PABPC1L: variants seen among roughly 807,000 people sequenced by gnomAD.
PABPC1L encodes poly(A) binding protein cytoplasmic 1 like.
PABPC1L carries 31 observed loss-of-function variants against 66.6 expected under a neutral mutation model. The observed-to-expected ratio is 0.47, with a 90% CI of 0.35 to 0.63. The LOEUF is 0.63. Among genes scored for constraint, PABPC1L ranks in the 20% least tolerant of loss-of-function variants. The pLI, the probability that PABPC1L is intolerant of heterozygous loss-of-function variation, is 0.00. For missense variants in PABPC1L, 722 were observed against 848.8 expected, an observed-to-expected ratio of 0.85 and a Z score of 1.86; for synonymous variants, 348 against 335.1, an observed-to-expected ratio of 1.04 and a Z score of -0.42.
intron 2 of PABPC1L, among the ~76,000 whole-genome samples, chr20:44,913,222 A>AT (rs2066716490): frequency 6.6e-6 from 1 of 152,160 alleles, no homozygotes; most frequent in African/African-American, 2.4e-5. Context: ...CGCTGGGTAT[A>AT]TGAGGGAGCG....
chr20:44,931,021 C>CCTT (rs2066850746), intron 8 of PABPC1L, among the ~76,000 whole-genome samples: 1 of 19,596 alleles, frequency 5.1e-5, no homozygotes, highest in African/African-American at 1.8e-4. Flanking sequence ...TCCTTCCCTT[C>CCTT]CCTCCCTTCC....
rs2066906588 is a variant in PABPC1L at position 44,937,028 on chromosome 20, G to A, written c.1660+298G>A. The stretch of plus-strand genomic sequence containing the variant: ...GATCAGGGGACAAAGGGAGGAGTAG[G>A]GGTATGGTCTTGGGTTTCTGCTGAG... On this transcript the variant is annotated intron_variant, in intron 12 of 14. Coordinates refer to ENST00000217073, the MANE Select transcript of PABPC1L (RefSeq NM_001372179.1). 14 of 536,810 alleles carry A rather than the reference G, an allele frequency of 2.6e-5. No homozygotes were observed. In the Admixed American group the frequency reaches 3.2e-4, roughly 12 times the overall value. 33.3% of individuals were successfully genotyped at this position (536,810 alleles called of 1,614,324 possible).
At chr20:44,924,003 G>A (rs1175438067) in intron 6 of PABPC1L, among the ~76,000 whole-genome samples, 158 bp from the exon 7 acceptor site, 1 of 152,184 alleles carries the variant, frequency 6.6e-6, no homozygotes, top group Non-Finnish European at 1.5e-5. Context: ...GGCACGCTGA[G>A]GGATGGGGGT....
intron 8 of PABPC1L, among the ~76,000 whole-genome samples, chr20:44,931,079 C>CCTT (rs1175613127): frequency 6.8e-4 from 39 of 57,724 alleles, no homozygotes; most frequent in Non-Finnish European, 1.4e-3. Flanking sequence ...CTCCCTCCCT[C>CCTT]CCTCCCTCCC....
At chr20:44,924,378 C>A (rs1937635190) in intron 7 of PABPC1L, 122 bp downstream of exon 7, 1 of 717,400 alleles carries the variant, frequency 1.4e-6, no homozygotes, top group Non-Finnish European at 2.4e-6. Flanking sequence ...TGCCGGCTAC[C>A]CCTTCTGGGG....
chr20:44,924,375 T>G, intron 7 of PABPC1L, 119 bp downstream of exon 7: 7 of 727,342 alleles, frequency 9.6e-6, no homozygotes, highest in Non-Finnish European at 1.6e-5. Context: ...TGGTGCCGGC[T>G]ACCCCTTCTG....
At chr20:44,930,171 T>C (rs1250014971) in intron 7 of PABPC1L, among the ~76,000 whole-genome samples, 1 of 152,204 alleles carries the variant, frequency 6.6e-6, no homozygotes, top group Non-Finnish European at 1.5e-5. Flanking sequence ...GGGTGCGTGC[T>C]GCATCCCTCA....
rs1437982184 is a variant in PABPC1L, at chr20:44,933,169, T to C, written c.1443T>C (p.Pro481=). The C allele has an allele frequency of 6.2e-7, 1 of 1,607,332 alleles. No homozygotes were observed. Among genetic ancestry groups the C allele is most frequent in the Non-Finnish European group, 8.5e-7 (1 of 1,177,522 alleles). The change falls in exon 10 of 15, where the codon CCT becomes CCC. Residue 481 remains proline, a synonymous_variant. Coordinates refer to ENST00000217073, the MANE Select transcript of PABPC1L (RefSeq NM_001372179.1). The stretch of plus-strand genomic sequence containing the variant: ...CCACCCAGGTGCCACGCACGGTGCC[T>C]CATACCCAGAGAGTAGGTGAGTGTG... ...QASTQVPRTV[P]HTQRVANIGT... is the part of the protein sequence containing the mutation.
intron 3 of PABPC1L, among the ~76,000 whole-genome samples, chr20:44,917,458 A>G (rs1001362876): frequency 6.7e-6 from 1 of 148,544 alleles, no homozygotes; most frequent in Admixed American, 6.8e-5. Context: ...TCAGCCTCCT[A>G]AAGTGTTAAA....
chr20:44,932,224 G>T, intron 8 of PABPC1L, 118 bp from the exon 9 acceptor site: 1 of 668,232 alleles, frequency 1.5e-6, no homozygotes. Context: ...TGTGGGTCTT[G>T]ACTCACCAGT....
intron 13 of PABPC1L, 136 bp downstream of exon 13, chr20:44,938,327 T>C: frequency 8.1e-7 from 1 of 1,230,706 alleles, no homozygotes; most frequent in East Asian, 2.6e-5. Flanking sequence ...GAAGGCCTGC[T>C]GAATCTTAAG....
intron 9 of PABPC1L, 30 bp downstream of exon 9, chr20:44,932,462 A>G (rs767780252): frequency 2.5e-6 from 4 of 1,584,170 alleles, no homozygotes; most frequent in Non-Finnish European, 3.5e-6. Flanking sequence ...CCACTCTCAG[A>G]CTGGCCTATT....
chr20:44,931,016 C>CCTTCCTCCCTT (rs1180097668), intron 8 of PABPC1L, among the ~76,000 whole-genome samples: 3 of 49,064 alleles, frequency 6.1e-5, no homozygotes, highest in African/African-American at 2.2e-4. Flanking sequence ...TCCCTTCCTT[C>CCTTCCTCCCTT]CCTTCCCTCC....
At chr20:44,933,928 T>G (rs1050208751) in intron 10 of PABPC1L, among the ~76,000 whole-genome samples, 3 of 151,770 alleles carry the variant, frequency 2.0e-5, no homozygotes, top group Non-Finnish European at 4.4e-5. Context: ...ATTTTTGTAT[T>G]TTTAGTAGGG....
intron 10 of PABPC1L, 72 bp from the exon 11 acceptor site, chr20:44,935,319 T>C: frequency 9.0e-7 from 1 of 1,108,908 alleles, no homozygotes; most frequent in South Asian, 1.3e-5. Flanking sequence ...GGTGTTGTTT[T>C]GTTTTGTTTT....
Position 44,924,238 on chromosome 20 carries a change from A to T in PABPC1L, c.954A>T (p.Gly318=). 6.2e-7 allele frequency: 1 copy of T among 1,613,566 alleles called. No homozygotes were observed. Among genetic ancestry groups the T allele is most frequent in the Non-Finnish European group, 8.5e-7 (1 of 1,179,526 alleles). The change falls in exon 7 of 15, where the codon GGA becomes GGT. Residue 318 remains glycine, a synonymous_variant. Coordinates refer to ENST00000217073, the MANE Select transcript of PABPC1L (RefSeq NM_001372179.1). The part of the protein sequence containing the change: ...DKLRKEFSPY[G]VITSAKVMTE... ...TGAGGAAAGAGTTCTCTCCCTATGG[A>T]GTAATTACCAGTGCGAAGGTGAGGA...
intron 10 of PABPC1L, among the ~76,000 whole-genome samples, chr20:44,934,197 C>A (rs1321742133): frequency 6.6e-6 from 1 of 152,230 alleles, no homozygotes; most frequent in Non-Finnish European, 1.5e-5. Context: ...AATGTTCTCA[C>A]ATCCACAGTG....
chr20:44,925,983 C>T (rs563581796), intron 7 of PABPC1L, among the ~76,000 whole-genome samples: 27 of 152,162 alleles, frequency 1.8e-4, no homozygotes, highest in Non-Finnish European at 3.4e-4. Flanking sequence ...CATTTCTCAC[C>T]TCTCCAGGTG....
In PABPC1L at chr20:44,936,724, A is replaced by T. The variant is rs747247124; in HGVS notation, c.1654A>T (p.Met552Leu). The T allele has an allele frequency of 2.1e-5, 34 of 1,606,132 alleles. No individual in the cohort carries two copies. The highest frequency in any genetic ancestry group is 2.7e-5 in the Non-Finnish European group (32 of 1,177,322). Residue 552 changes from methionine to leucine, a missense_variant, in exon 12 of 15, where the codon ATG becomes TTG. Transcript: ENST00000217073. ...GGCGCCCCTGCATGAGCAAAAGCAG[A>T]TGATTGGTGAGTGGCTGGTTCTCCT... is the stretch of plus-strand genomic sequence containing the variant. ...AAAPLHEQKQ[M>L]IGERLYPLIH... is the part of the protein sequence containing the mutation.
Sources: allele counts gnomAD v4.1 joint callset (sites outside exome capture counted in the v4.1 genomes callset), GRCh38; gene constraint gnomAD v4.1.1; transcripts MANE v1.5; gene names NCBI Gene and HGNC (gene_info 2026-07-23, HGNC 2026-07-21).